The following GRAMD1B variants were observed in gnomAD, a reference collection of about 807,000 sequenced individuals.
The protein encoded by GRAMD1B is protein Aster-B.
Under a neutral mutation model 99.7 loss-of-function variants are expected in GRAMD1B, and 37 were observed. The observed-to-expected ratio is 0.37, with a 90% CI of 0.29 to 0.49. The LOEUF (loss-of-function observed/expected upper bound fraction) is 0.49. Among genes scored for constraint, GRAMD1B ranks in the 20% least tolerant of loss-of-function variants. GRAMD1B has a pLI of 0.98. For missense variants in GRAMD1B, 888 were observed against 1,009.2 expected, an observed-to-expected ratio of 0.88 and a Z score of 1.63; for synonymous variants, 427 against 387.6, an observed-to-expected ratio of 1.10 and a Z score of -1.19.
chr11:123,502,214 C>CA (rs1248197819), intron 2 of GRAMD1B, among the ~76,000 whole-genome samples: 2 of 152,216 alleles, frequency 1.3e-5, no homozygotes, highest in Non-Finnish European at 2.9e-5. Context: ...GAGGGTCTCC[C>CA]AGTGGCCTGC....
intron 1 of GRAMD1B, among the ~76,000 whole-genome samples, chr11:123,439,400 C>T (rs1036410350): frequency 2.0e-5 from 3 of 152,244 alleles, no homozygotes; most frequent in African/African-American, 7.2e-5. Flanking sequence ...CAAATATCCT[C>T]TTCTGTTATC....
At chr11:123,462,202 C>T (rs1950459600) in intron 1 of GRAMD1B, among the ~76,000 whole-genome samples, 1 of 150,582 alleles carries the variant, frequency 6.6e-6, no homozygotes, top group African/African-American at 2.4e-5. Context: ...CTCCTGACCT[C>T]GTGATCTGCC....
intron 1 of GRAMD1B, chr11:123,460,504 C>T (rs540041134): frequency 1.3e-5 from 2 of 152,378 alleles, no homozygotes; most frequent in East Asian, 3.9e-4. Flanking sequence ...CACCGTGACT[C>T]CAGCCCCAGT....
chr11:123,362,930 T>G (rs910312848), intron 1 of GRAMD1B, among the ~76,000 whole-genome samples: 14 of 150,008 alleles, frequency 9.3e-5, no homozygotes, highest in African/African-American at 3.2e-4. Context: ...GAAAGAGAAA[T>G]GACACATAGA....
intron 2 of GRAMD1B, among the ~76,000 whole-genome samples, chr11:123,554,424 C>T (rs374851437): frequency 6.7e-6 from 1 of 148,498 alleles, no homozygotes; most frequent in East Asian, 2.0e-4. Flanking sequence ...TGCAGTGGCT[C>T]ATGCATATAA....
rs532315073 is a variant in GRAMD1B at position 123,627,400 on chromosome 11, TCTTCC to T, written c.*4807_*4811del. ...ACCACTCTCTGCATGGACCAGACCA[TCTTCC>T]CAAACCCATGGTGCTTTTTCCCCAA... On this transcript the variant is annotated 3_prime_UTR_variant, in exon 20 of 20. Coordinates refer to ENST00000635736, the MANE Select transcript of GRAMD1B (RefSeq NM_001387025.1). 6.6e-6 allele frequency: 1 copy of T among 152,498 alleles called. No homozygotes were observed. Among genetic ancestry groups the T allele is most frequent in the East Asian group, 1.9e-4 (1 of 5,186 alleles). 9.4% of individuals were successfully genotyped at this position (152,498 alleles called of 1,614,324 possible). A position where few individuals can be genotyped will look rare whatever the true frequency, so the allele number is the denominator to read the frequency against.
rs1948828244 is a variant in GRAMD1B at position 123,577,378 on chromosome 11, A to G, written c.464A>G (p.Asn155Ser). 1 of 1,584,896 alleles carries G rather than the reference A, an allele frequency of 6.3e-7. No homozygotes were observed. The highest frequency in any genetic ancestry group is 1.3e-5 in the African/African-American group (1 of 74,196). The change falls in exon 3 of 20, where the codon AAC becomes AGC. Residue 155 changes from asparagine (N) to serine (S), a missense_variant. Around this residue, in one of 5 missense-constraint regions of GRAMD1B, gnomAD observed 233 missense variants for 154.6 expected, o/e 1.51. Transcript: ENST00000635736. ...ATCTGCCGCTGCAGCACTGCCAGTA[A>G]CTCCAACCGCAGCACGCCGGCCTGC... is the stretch of plus-strand genomic sequence containing the variant. ...PRAREESTAS[N>S]SNRSTPACSP... is the part of the protein sequence containing the mutation.
chr11:123,456,824 G>A (rs1950142755), intron 1 of GRAMD1B, among the ~76,000 whole-genome samples: 1 of 151,270 alleles, frequency 6.6e-6, no homozygotes. Flanking sequence ...GGAGGCTGAG[G>A]CAGGAGAATC....
intron 1 of GRAMD1B, among the ~76,000 whole-genome samples, chr11:123,365,107 A>T (rs899716218): frequency 2.0e-5 from 3 of 152,168 alleles, no homozygotes; most frequent in Non-Finnish European, 4.4e-5. Flanking sequence ...ATTATTACCC[A>T]TGTTATAGTT....
At chr11:123,505,958 A>C (rs116179272) in intron 2 of GRAMD1B, among the ~76,000 whole-genome samples, 284 of 152,188 alleles carry the variant, frequency 1.9e-3, no homozygotes, top group Middle Eastern at 6.8e-3. Flanking sequence ...AGTCCCTTGT[A>C]GTTCTGTGAA....
Position 123,623,410 on chromosome 11 carries a change from T to C in GRAMD1B, c.*815T>C, listed in dbSNP as rs1955325987. 6.6e-6 allele frequency: 1 copy of C among 152,224 alleles called. No individual in the cohort carries two copies. Among genetic ancestry groups the C allele is most frequent in the Non-Finnish European group, 1.5e-5 (1 of 68,036 alleles). The allele number at this position is 152,224 out of a possible 1,614,324, so 9.4% of individuals were successfully genotyped here. A position where few individuals can be genotyped will look rare whatever the true frequency, so the allele number is the denominator to read the frequency against. ...AAAGTCCTATTGTTTCTCTGTGCCCTAAGAGCACATTGTTTATTAGCCAGG... is the reference window on the plus strand; with the variant it reads ...AAAGTCCTATTGTTTCTCTGTGCCCCAAGAGCACATTGTTTATTAGCCAGG... On this transcript the variant is annotated 3_prime_UTR_variant, in exon 20 of 20. Coordinates refer to ENST00000635736, the MANE Select transcript of GRAMD1B (RefSeq NM_001387025.1).
chr11:123,583,550 G>A (rs1174224011), intron 3 of GRAMD1B, among the ~76,000 whole-genome samples: 1 of 152,134 alleles, frequency 6.6e-6, no homozygotes, highest in Non-Finnish European at 1.5e-5. Context: ...TGGCCATAGG[G>A]CTTGAAGACA....
At chr11:123,597,370 G>A (rs1951416625) in intron 7 of GRAMD1B, among the ~76,000 whole-genome samples, 1 of 147,048 alleles carries the variant, frequency 6.8e-6, no homozygotes, top group Admixed American at 6.9e-5. Context: ...GGGACTATAG[G>A]CACAAGCCAC....
intron 14 of GRAMD1B, among the ~76,000 whole-genome samples, chr11:123,612,514 GA>G (rs58712824): frequency 0.038 from 5,714 of 152,298 alleles, 377 homozygotes; most frequent in African/African-American, 0.13. Flanking sequence ...TCTGGAGTCA[GA>G]ACCCTAGTTG....
At chr11:123,616,632 G>A (rs536499396) in intron 17 of GRAMD1B, among the ~76,000 whole-genome samples, 3 of 152,320 alleles carry the variant, frequency 2.0e-5, no homozygotes, top group African/African-American at 4.8e-5. Flanking sequence ...AGTGTCTGCC[G>A]ACAGCCTACA....
intron 2 of GRAMD1B, among the ~76,000 whole-genome samples, chr11:123,506,915 C>T (rs984061437): frequency 1.3e-5 from 2 of 152,202 alleles, no homozygotes; most frequent in African/African-American, 2.4e-5. Context: ...TAACAGCACT[C>T]TCCCTCCTGC....
At chr11:123,593,649 C>T (rs765252208) in intron 4 of GRAMD1B, among the ~76,000 whole-genome samples, 1 of 152,152 alleles carries the variant, frequency 6.6e-6, no homozygotes, top group Non-Finnish European at 1.5e-5. Flanking sequence ...CACGACAACA[C>T]CTTCTTCTGA....
chr11:123,464,323 G>GATA (rs762596785), intron 1 of GRAMD1B, among the ~76,000 whole-genome samples: 1 of 151,796 alleles, frequency 6.6e-6, no homozygotes, highest in East Asian at 1.9e-4. Flanking sequence ...TAGTAATAAT[G>GATA]ATAATAATAA....
chr11:123,491,775 C>T, intron 2 of GRAMD1B: 1 of 398,360 alleles, frequency 2.5e-6, no homozygotes, highest in Non-Finnish European at 4.4e-6. Flanking sequence ...GGCAGCAAGT[C>T]CACGCAGCTC....
Sources: allele counts gnomAD v4.1 joint callset (sites outside exome capture counted in the v4.1 genomes callset), GRCh38; gene constraint gnomAD v4.1.1; regional missense constraint gnomAD v4.1.1; transcripts MANE v1.5; gene names NCBI Gene and HGNC (gene_info 2026-07-23, HGNC 2026-07-21).